Variants in PTPRB observed in about 807,000 individuals in gnomAD.
PTPRB encodes the protein protein tyrosine phosphatase receptor type B.
Under a neutral mutation model 238.1 loss-of-function variants are expected in PTPRB, and 97 were observed. That is an observed-to-expected ratio of 0.41 (90% CI 0.35 to 0.48). The LOEUF (loss-of-function observed/expected upper bound fraction) is 0.48, where lower values mean the gene tolerates loss of function less well. PTPRB is among the 20% of genes least tolerant of loss of function. The pLI, the probability that PTPRB is intolerant of heterozygous loss-of-function variation, is 0.30. For missense variants in PTPRB, 2,292 were observed against 2,681.9 expected (o/e 0.85, Z 3.21); for synonymous variants, 970 against 995.4 (o/e 0.97, Z 0.48).
intron 21 of PTPRB, among the ~76,000 whole-genome samples, chr12:70,548,387 C>T (rs1876396900): frequency 6.8e-6 from 1 of 147,992 alleles, no homozygotes; most frequent in African/African-American, 2.5e-5. Flanking sequence ...CACACACACG[C>T]CATGACTTTT....
Position 70,576,427 on chromosome 12 carries a change from T to G in PTPRB, c.2797A>C (p.Arg933=), listed in dbSNP as rs763782718. ...GRLYTVTITT[R]SGKYENHSFS... ...GAGTGATTTTCATACTTGCCACTCC[T>G]TGTAGTTATGGTCACGGTGTAGAGG... Residue 933 remains arginine, a synonymous_variant, in exon 11 of 34, where the codon AGG becomes CGG. Transcript: ENST00000334414. 1.9e-6 allele frequency: 3 copies of G among 1,610,396 alleles called. No homozygotes were observed. The highest frequency in any genetic ancestry group is 2.5e-6 in the Non-Finnish European group (3 of 1,178,482).
At position 70,578,010 on chromosome 12, in the gene PTPRB, T is replaced by A. The variant is rs546225158; in HGVS notation, c.2579-1365A>T. Among the ~76,000 whole-genome samples the A allele has an allele frequency of 2.6e-5, 4 of 152,344 alleles. No individual in the cohort carries two copies. In the South Asian group the frequency reaches 8.3e-4, roughly 32 times the overall value. ...CATTATGCTTGTTTTTAAAAACTGC[T>A]GGAAATATTTGCAACTACTAACATT... is the stretch of plus-strand genomic sequence containing the variant. On this transcript the variant is annotated intron_variant, in intron 10 of 33. Coordinates refer to ENST00000334414, the MANE Select transcript of PTPRB (RefSeq NM_001109754.4).
Position 70,560,766 on chromosome 12 carries a change from C to T in PTPRB, c.4337G>A (p.Arg1446Gln), listed in dbSNP as rs372152134. The T allele has an allele frequency of 3.1e-4, 505 of 1,613,944 alleles. No individual in the cohort carries two copies. Among genetic ancestry groups the T allele is most frequent in the Middle Eastern group, 8.2e-4 (5 of 6,062 alleles). The stretch of plus-strand genomic sequence containing the variant: ...CCTTCCAGGAACAAGGCCTTGAAAC[C>T]GCCACTCCGTCAGGTCCTTGTCTTT... ...NWKDKDLTEWRFQGLVPGRKY... is the reference protein window; with the variant it reads ...NWKDKDLTEWQFQGLVPGRKY... The change falls in exon 17 of 34, where the codon CGG becomes CAG. Residue 1446 changes from arginine to glutamine, a missense_variant. Physicochemically the swap from Arg to Gln is conservative, Grantham distance 43. This residue lies in a region of PTPRB where 683 missense variants were observed against 862.0 expected (regional missense o/e 0.79). Transcript: ENST00000334414. The surrounding 1 kb of genome is among the most constrained non-coding windows in gnomAD (Gnocchi z 4.2).
rs1385157390 is a variant in PTPRB at position 70,532,130 on chromosome 12, G to A, written c.6409C>T (p.Arg2137Ter). The change falls in exon 32 of 34, where the codon CGA becomes TGA. Residue 2137 changes from arginine (R) to a stop codon, truncating the protein, a stop_gained. Coordinates refer to ENST00000334414, the MANE Select transcript of PTPRB (RefSeq NM_001109754.4). LOFTEE classifies it high-confidence loss of function. The stretch of plus-strand genomic sequence containing the variant: ...TTGGAGTCTAACTGCTGGAGGATTC[G>A]GTCCAATGCAATAAAGGTTCCAGTC... Reference protein sequence around the residue: ...GRTGTFIALDRILQQLDSKDS... With the variant: ...GRTGTFIALD 1.9e-6 allele frequency: 3 copies of A among 1,613,644 alleles called. No individual in the cohort carries two copies. Among genetic ancestry groups the A allele is most frequent in the Non-Finnish European group, 2.5e-6 (3 of 1,179,788 alleles).
In PTPRB at chr12:70,596,233, G is replaced by A; in HGVS notation, c.1074C>T (p.Thr358=). The change falls in exon 5 of 34, where the codon ACC becomes ACT. Residue 358 remains threonine, a synonymous_variant. Transcript: ENST00000334414. ...VWWTPSSGKV[T]SYEVQLFDEN... is the part of the protein sequence containing the mutation. Reference sequence around the variant, plus strand: ...CATCAAATAATTGCACCTCATATGAGGTGACTTTTCCGGAAGAAGGAGTCC... The same window carrying A: ...CATCAAATAATTGCACCTCATATGAAGTGACTTTTCCGGAAGAAGGAGTCC... 1.2e-6 allele frequency: 2 copies of A among 1,613,406 alleles called. No homozygotes were observed. The highest frequency in any genetic ancestry group is 1.7e-6 in the Non-Finnish European group (2 of 1,179,758).
chr12:70,541,065 A>T, intron 22 of PTPRB, 108 bp from the exon 23 acceptor site: 1 of 891,420 alleles, frequency 1.1e-6, no homozygotes, highest in Admixed American at 2.4e-5. Context: ...TATTACAAAT[A>T]GAATTCAAGT....
chr12:70,606,016 C>T (rs543753586), intron 4 of PTPRB, among the ~76,000 whole-genome samples: 9 of 152,258 alleles, frequency 5.9e-5, no homozygotes, highest in Admixed American at 1.3e-4. Context: ...ATTCTTGTTG[C>T]GTTGACCGTT....
chr12:70,636,565 C>A (rs1162218913), intron 1 of PTPRB, among the ~76,000 whole-genome samples: 1 of 152,076 alleles, frequency 6.6e-6, no homozygotes, highest in African/African-American at 2.4e-5. Flanking sequence ...GTTTGAATAA[C>A]AATTTTTTAA....
Position 70,556,149 on chromosome 12 carries a change from C to T in PTPRB, c.4715-1G>A. The T allele has an allele frequency of 6.2e-7, 1 of 1,611,046 alleles. No homozygotes were observed. Among genetic ancestry groups the T allele is most frequent in the Non-Finnish European group, 8.5e-7 (1 of 1,178,194 alleles). ...TGCAGGTTTTGTATCTTGTCAGGCT[C>T]TAAAGGAAACAGAGGAGGCAACACT... On this transcript the variant is annotated splice_acceptor_variant, in intron 18 of 33. Transcript: ENST00000334414. LOFTEE classifies it high-confidence loss of function.
At chr12:70,572,831 A>G (rs553073640) in intron 11 of PTPRB, among the ~76,000 whole-genome samples, 1 of 151,918 alleles carries the variant, frequency 6.6e-6, no homozygotes, top group African/African-American at 2.4e-5. Context: ...GAAGAAACAC[A>G]TATGGTTATT....
At position 70,609,082 on chromosome 12, in the gene PTPRB, C is replaced by G; in HGVS notation, c.966G>C (p.Val322=). ...RIISLDEERT[V]VLQTDPLPPA... ...GTCATCCTTTACCTGTTTGCAAGACCACTGTTCTCTCTTCATCCAGAGAAA... is the reference window on the plus strand; with the variant it reads ...GTCATCCTTTACCTGTTTGCAAGACGACTGTTCTCTCTTCATCCAGAGAAA... The change falls in exon 4 of 34, where the codon GTG becomes GTC. Residue 322 remains valine, a synonymous_variant. Transcript: ENST00000334414. 6.2e-7 allele frequency: 1 copy of G among 1,613,974 alleles called. No individual in the cohort carries two copies. The highest frequency in any genetic ancestry group is 8.5e-7 in the Non-Finnish European group (1 of 1,179,864).
At chr12:70,620,669 A>G (rs1203977027) in intron 3 of PTPRB, among the ~76,000 whole-genome samples, 4 of 152,192 alleles carry the variant, frequency 2.6e-5, no homozygotes, top group African/African-American at 9.7e-5. Context: ...AAGTGGTGAT[A>G]CTATTCAGCC....
At chr12:70,579,509 C>T (rs992769749) in intron 10 of PTPRB, among the ~76,000 whole-genome samples, 1 of 151,926 alleles carries the variant, frequency 6.6e-6, no homozygotes, top group East Asian at 1.9e-4. Flanking sequence ...CCATCCTGGC[C>T]AACAAGCTGA....
chr12:70,529,512 T>C (rs1324332289), intron 32 of PTPRB, among the ~76,000 whole-genome samples: 4 of 152,110 alleles, frequency 2.6e-5, no homozygotes, highest in Non-Finnish European at 5.9e-5. Context: ...TTTAGCAACA[T>C]AATTGTAGGA....
intron 16 of PTPRB, among the ~76,000 whole-genome samples, chr12:70,562,252 C>A (rs1397584337): frequency 3.3e-5 from 5 of 152,196 alleles, no homozygotes; most frequent in Non-Finnish European, 1.5e-5. Flanking sequence ...TCACTGCACT[C>A]CAGCCTGGGC....
At chr12:70,551,773 T>A (rs1261976263) in intron 21 of PTPRB, among the ~76,000 whole-genome samples, 1 of 152,112 alleles carries the variant, frequency 6.6e-6, no homozygotes, top group East Asian at 1.9e-4. Flanking sequence ...TAGCCTAGGT[T>A]CCCTTTCTCT....
intron 33 of PTPRB, 90 bp from the exon 34 acceptor site, chr12:70,521,601 A>G: frequency 8.7e-7 from 1 of 1,154,988 alleles, no homozygotes; most frequent in Non-Finnish European, 1.2e-6. Flanking sequence ...GTGAAAGACC[A>G]GCAGAAACAT....
chr12:70,524,883 ATG>A (rs758804384), intron 32 of PTPRB, among the ~76,000 whole-genome samples: 1 of 150,682 alleles, frequency 6.6e-6, no homozygotes, highest in Admixed American at 6.7e-5. Flanking sequence ...GTGTGTATAT[ATG>A]TATATATGTG....
At chr12:70,535,234 T>G (rs917531975) in intron 29 of PTPRB, among the ~76,000 whole-genome samples, 5 of 147,736 alleles carry the variant, frequency 3.4e-5, no homozygotes, top group African/African-American at 1.3e-4. Flanking sequence ...GTTTTTTTTT[T>G]TTTTTTTTTT....
Sources: allele counts gnomAD v4.1 joint callset (sites outside exome capture counted in the v4.1 genomes callset), GRCh38; gene constraint gnomAD v4.1.1; regional missense constraint gnomAD v4.1.1; non-coding constraint Gnocchi (gnomAD v3.1); transcripts MANE v1.5; gene names NCBI Gene and HGNC (gene_info 2026-07-23, HGNC 2026-07-21).